Variants in CELF4 observed in about 807,000 individuals in gnomAD.
CELF4 encodes the protein CUG-BP- and ETR-3-like factor 4.
Under a neutral mutation model 59.9 loss-of-function variants are expected in CELF4, and 18 were observed. That is an observed-to-expected ratio of 0.30 (90% CI 0.21 to 0.45). The LOEUF is 0.45. Ranked by LOEUF, CELF4 falls within the 20% of genes least tolerant of loss-of-function variation. The pLI is 1.00. For synonymous variants in CELF4, 261 were observed against 267.1 expected (o/e 0.98, Z 0.22); for missense variants, 456 against 689.0 (o/e 0.66, Z 3.79).
At chr18:37,503,078 G>T (rs971082607) in intron 1 of CELF4, among the ~76,000 whole-genome samples, 1 of 152,176 alleles carries the variant, frequency 6.6e-6, no homozygotes, top group Admixed American at 6.5e-5. Context: ...AGGCACAGAG[G>T]GGTCGGATGG....
intron 1 of CELF4, among the ~76,000 whole-genome samples, chr18:37,540,000 T>C (rs2099976648): frequency 1.3e-5 from 2 of 152,176 alleles, no homozygotes; most frequent in Admixed American, 6.5e-5. Context: ...TGCATATGCA[T>C]TGATGTGTGC....
chr18:37,311,560 C>T (rs939921153), intron 3 of CELF4, among the ~76,000 whole-genome samples: 5 of 152,074 alleles, frequency 3.3e-5, no homozygotes, highest in Admixed American at 6.5e-5. Flanking sequence ...GAGGCTGAGG[C>T]GGGTGGATCA....
intron 2 of CELF4, among the ~76,000 whole-genome samples, chr18:37,461,900 A>C (rs573075085): frequency 6.6e-6 from 1 of 152,316 alleles, no homozygotes; most frequent in South Asian, 2.1e-4. Context: ...GAAGCTGCGT[A>C]TGTCTGACTG....
intron 2 of CELF4, among the ~76,000 whole-genome samples, chr18:37,410,882 G>C (rs576258045): frequency 7.4e-4 from 113 of 152,336 alleles, no homozygotes; most frequent in African/African-American, 2.6e-3. Context: ...CCCTGCAGGG[G>C]CACTGCTCCC....
At chr18:37,534,157 T>A (rs542380694) in intron 1 of CELF4, among the ~76,000 whole-genome samples, 1 of 152,304 alleles carries the variant, frequency 6.6e-6, no homozygotes, top group Admixed American at 6.5e-5. Context: ...TTAAATTAGT[T>A]AGCTGGATAG....
chr18:37,539,458 C>CAG, intron 1 of CELF4, among the ~76,000 whole-genome samples: 1 of 112,708 alleles, frequency 8.9e-6, no homozygotes, highest in African/African-American at 4.3e-5. Flanking sequence ...GACACACACA[C>CAG]ACACACACAC....
At chr18:37,401,138 T>C (rs986576132) in intron 2 of CELF4, among the ~76,000 whole-genome samples, 2 of 152,224 alleles carry the variant, frequency 1.3e-5, no homozygotes, top group African/African-American at 2.4e-5. Flanking sequence ...CTGGGATGAA[T>C]GCTCAGGCTC....
chr18:37,503,282 G>A (rs1286750082), intron 1 of CELF4, among the ~76,000 whole-genome samples: 2 of 152,242 alleles, frequency 1.3e-5, no homozygotes, highest in African/African-American at 4.8e-5. Flanking sequence ...CCCTGTTCCA[G>A]GAGCACTTGC....
At chr18:37,526,314 T>C (rs1299792523) in intron 1 of CELF4, among the ~76,000 whole-genome samples, 3 of 152,248 alleles carry the variant, frequency 2.0e-5, no homozygotes, top group South Asian at 2.1e-4. Context: ...TGAGTAAGCA[T>C]GTCAATGCAA....
intron 8 of CELF4, among the ~76,000 whole-genome samples, chr18:37,268,885 TTCCCTCCA>T (rs2079021583): frequency 6.6e-6 from 1 of 152,226 alleles, no homozygotes; most frequent in Non-Finnish European, 1.5e-5. Flanking sequence ...TTTCCTTTCC[TTCCCTCCA>T]TCCCTCCCTC....
intron 3 of CELF4, among the ~76,000 whole-genome samples, chr18:37,308,614 G>A (rs1056348393): frequency 7.2e-5 from 11 of 152,136 alleles, no homozygotes; most frequent in South Asian, 4.1e-4. Flanking sequence ...GTCTGTCATC[G>A]CCCATCAGCT....
intron 2 of CELF4, among the ~76,000 whole-genome samples, chr18:37,376,585 C>T (rs74762970): frequency 1.3e-5 from 2 of 152,328 alleles, no homozygotes; most frequent in South Asian, 4.1e-4. Context: ...CCCAGGAAGG[C>T]CCCCCTCCAT....
intron 3 of CELF4, among the ~76,000 whole-genome samples, chr18:37,315,334 C>T (rs568387386): frequency 6.6e-6 from 1 of 152,086 alleles, no homozygotes. Flanking sequence ...TGAGCACGGG[C>T]AGGTGGCAGC....
intron 2 of CELF4, among the ~76,000 whole-genome samples, chr18:37,403,400 T>G (rs1379623583): frequency 5.3e-5 from 8 of 152,154 alleles, no homozygotes; most frequent in African/African-American, 1.9e-4. Context: ...GGAGTCACCC[T>G]CCATGGAGGC....
chr18:37,403,660 C>A (rs555726259), intron 2 of CELF4, among the ~76,000 whole-genome samples: 1 of 152,114 alleles, frequency 6.6e-6, no homozygotes, highest in Admixed American at 6.5e-5. Flanking sequence ...GCTGAGAGGG[C>A]GTGGGACAGG....
intron 3 of CELF4, among the ~76,000 whole-genome samples, chr18:37,297,900 G>A (rs964532649): frequency 6.8e-5 from 10 of 147,734 alleles, no homozygotes; most frequent in Admixed American, 1.3e-4. Flanking sequence ...CCCTCTGGCC[G>A]TCAAGTTAGC....
intron 2 of CELF4, among the ~76,000 whole-genome samples, chr18:37,456,007 T>C (rs949898636): frequency 5.9e-5 from 9 of 152,206 alleles, no homozygotes; most frequent in Non-Finnish European, 1.2e-4. Flanking sequence ...TGACTTCTTG[T>C]TGCTGAATCT....
intron 2 of CELF4, among the ~76,000 whole-genome samples, chr18:37,424,681 A>G (rs1273017978): frequency 6.6e-6 from 1 of 152,158 alleles, no homozygotes; most frequent in Admixed American, 6.5e-5. Context: ...CCGAGGGAGC[A>G]CCACTGCCCT....
At chr18:37,526,621 G>A (rs1237738280) in intron 1 of CELF4, among the ~76,000 whole-genome samples, 1 of 152,210 alleles carries the variant, frequency 6.6e-6, no homozygotes, top group African/African-American at 2.4e-5. Context: ...AACCGTTGAA[G>A]GCAGCTTGCT....
Sources: allele counts gnomAD v4.1 joint callset (sites outside exome capture counted in the v4.1 genomes callset), GRCh38; gene constraint gnomAD v4.1.1; transcripts MANE v1.5; gene names NCBI Gene and HGNC (gene_info 2026-07-23, HGNC 2026-07-21).